Variants in SPTB observed in about 807,000 individuals in gnomAD.
SPTB encodes the protein spectrin beta chain, erythrocytic.
In SPTB, 45 loss-of-function variants were observed where a neutral mutation model predicts 256.2. The ratio of observed to expected loss-of-function variants is 0.18; its 90% CI spans 0.14 to 0.23. The LOEUF (loss-of-function observed/expected upper bound fraction) is 0.23, where lower values mean the gene tolerates loss of function less well. SPTB is among the 10% of genes least tolerant of loss of function. SPTB has a pLI of 1.00. For synonymous variants in SPTB, 1,231 were observed against 1,243.1 expected (o/e 0.99, Z 0.21); for missense variants, 2,715 against 3,040.4 (o/e 0.89, Z 2.52).
chr14:64,859,431 T>C (rs2083923044), intron 1 of SPTB, among the ~76,000 whole-genome samples: 8 of 152,016 alleles, frequency 5.3e-5, no homozygotes, highest in Admixed American at 5.2e-4. Flanking sequence ...TATTAAACTA[T>C]AGAACATTTT....
intron 3 of SPTB, among the ~76,000 whole-genome samples, 170 bp downstream of exon 3, chr14:64,804,769 C>G (rs1033828858): frequency 3.3e-5 from 5 of 152,138 alleles, no homozygotes; most frequent in African/African-American, 9.7e-5. Flanking sequence ...GGGAGGAATT[C>G]AGAGAGACCA....
At chr14:64,817,868 C>T (rs532451166) in intron 2 of SPTB, among the ~76,000 whole-genome samples, 29 of 152,338 alleles carry the variant, frequency 1.9e-4, no homozygotes, top group Admixed American at 2.0e-4. Flanking sequence ...TGTCTGCCAG[C>T]CACAGAACTT....
chr14:64,788,709 A>G (rs997515051), intron 15 of SPTB, among the ~76,000 whole-genome samples: 31 of 152,142 alleles, frequency 2.0e-4, no homozygotes, highest in Admixed American at 1.7e-3. Context: ...CATTGGGTGG[A>G]GGCCACACCA....
chr14:64,857,669 T>C lies in SPTB; in HGVS notation c.-52+22123A>G, dbSNP rs114314748. Among the ~76,000 whole-genome samples, 242 of 152,160 alleles carry C rather than the reference T, an allele frequency of 1.6e-3. 3 individuals carry two copies. Among genetic ancestry groups the C allele is most frequent in the African/African-American group, 5.7e-3 (238 of 41,504 alleles). Reference sequence around the variant, plus strand: ...CTATTCTCTGAAAAATATAAATTATTTCTAGCACAAGGGACTTCAAGAAAA... The same window carrying C: ...CTATTCTCTGAAAAATATAAATTATCTCTAGCACAAGGGACTTCAAGAAAA... On this transcript the variant is annotated intron_variant, in intron 1 of 35. Transcript: ENST00000644917.
chr14:64,773,781 T>C (rs907255863), intron 24 of SPTB, among the ~76,000 whole-genome samples: 3 of 152,132 alleles, frequency 2.0e-5, no homozygotes, highest in African/African-American at 7.2e-5. Flanking sequence ...GCAACAGCTC[T>C]GCTCAGCCCT....
chr14:64,793,726 A>G lies in SPTB; in HGVS notation c.1937T>C (p.Met646Thr), dbSNP rs761372149. Residue 646 changes from methionine (M) to threonine (T), a missense_variant, in exon 14 of 36, where the codon ATG becomes ACG. Physicochemically the swap from Met to Thr is moderately conservative, Grantham distance 81 (BLOSUM62 -1). This residue lies in a region of SPTB where 2,239 missense variants were observed against 2,384.4 expected (regional missense o/e 0.94). Transcript: ENST00000644917. This position sits in a 1 kb window ranked among gnomAD's most constrained non-coding sequence, Gnocchi z 7.0. ...CTTGATCCAGCTCTCAGCCTCATCCATCTCCCAGAAGAACTTCCAGAGTCG... is the reference window on the plus strand; with the variant it reads ...CTTGATCCAGCTCTCAGCCTCATCCGTCTCCCAGAAGAACTTCCAGAGTCG... ...SKRLWKFFWE[M>T]DEAESWIKEK... 5 of 1,614,042 alleles carry G rather than the reference A, an allele frequency of 3.1e-6. No homozygotes were observed. The African/African-American group carries it at 4.0e-5, about 13-fold the overall frequency.
chr14:64,802,351 G>T lies in SPTB; in HGVS notation c.475-34C>A, dbSNP rs759599046. On this transcript the variant is annotated intron_variant, in intron 4 of 35. Coordinates refer to ENST00000644917, the MANE Select transcript of SPTB (RefSeq NM_001355436.2). This position sits in a 1 kb window ranked among gnomAD's most constrained non-coding sequence, Gnocchi z 5.1. Reference sequence around the variant, plus strand: ...AGCAGAACAAGAGAGATTTGAAGAGGATGTGCATCTGGATCTGTGCTTTCC... The same window carrying T: ...AGCAGAACAAGAGAGATTTGAAGAGTATGTGCATCTGGATCTGTGCTTTCC... The T allele has an allele frequency of 6.2e-7, 1 of 1,603,412 alleles. No individual in the cohort carries two copies. Among genetic ancestry groups the T allele is most frequent in the Non-Finnish European group, 8.5e-7 (1 of 1,171,374 alleles).
chr14:64,830,123 C>T (rs1489470770), intron 1 of SPTB, among the ~76,000 whole-genome samples: 1 of 152,048 alleles, frequency 6.6e-6, no homozygotes, highest in Admixed American at 6.6e-5. Context: ...CTCTATAGAA[C>T]TTATCATAAT....
intron 1 of SPTB, among the ~76,000 whole-genome samples, chr14:64,877,745 C>G (rs1426386581): frequency 6.6e-6 from 1 of 152,208 alleles, no homozygotes; most frequent in Non-Finnish European, 1.5e-5. Context: ...TGCAGCAGAC[C>G]TGTCAAATTT....
Position 64,795,484 on chromosome 14 carries a change from G to A in SPTB, c.1497C>T (p.Ile499=), listed in dbSNP as rs747235917. The A allele has an allele frequency of 1.2e-6, 2 of 1,614,190 alleles. No individual in the cohort carries two copies. Among genetic ancestry groups the A allele is most frequent in the Non-Finnish European group, 8.5e-7 (1 of 1,180,024 alleles). Residue 499 remains isoleucine, a synonymous_variant, in exon 12 of 36, where the codon ATC becomes ATT. Transcript: ENST00000644917. This position sits in a 1 kb window ranked among gnomAD's most constrained non-coding sequence, Gnocchi z 6.5. ...GCAGTATATTGTCCTTGCGGGCCGT[G>A]ATGCGCTTCTGGTCATGGTAGTTCT... ...EKENYHDQKR[I]TARKDNILRL... is the part of the protein sequence containing the mutation.
At position 64,764,969 on chromosome 14, in the gene SPTB, G is replaced by A. The variant is rs2082144119; in HGVS notation, c.6345+1757C>T. ...GCCCTCTGCTGGGCATGGTGGGCTG[G>A]TGCAGCTAGGAAAGGGAGGCCTCTG... On this transcript the variant is annotated intron_variant, in intron 32 of 35. Transcript: ENST00000644917. The surrounding 1 kb of genome is among the most constrained non-coding windows in gnomAD (Gnocchi z 4.2). 6.6e-6 allele frequency among the ~76,000 whole-genome samples: 1 copy of A among 151,672 alleles called. No homozygotes were observed. The highest frequency in any genetic ancestry group is 1.5e-5 in the Non-Finnish European group (1 of 67,912).
Position 64,785,509 on chromosome 14 carries a change from A to C in SPTB, c.3855+28T>G. On this transcript the variant is annotated intron_variant, in intron 18 of 35. Transcript: ENST00000644917. This position sits in a 1 kb window ranked among gnomAD's most constrained non-coding sequence, Gnocchi z 4.4. The stretch of plus-strand genomic sequence containing the variant: ...TGCTTCTAGAAAGGAATCTCCAGGA[A>C]AGCAGCCACTCCTTGCTGGAGCCTC... 1 of 1,592,210 alleles carries C rather than the reference A, an allele frequency of 6.3e-7. No individual in the cohort carries two copies. Among genetic ancestry groups the C allele is most frequent in the Non-Finnish European group, 8.6e-7 (1 of 1,167,032 alleles).
In SPTB at chr14:64,772,985, TG is replaced by T. The variant is rs1566746544; in HGVS notation, c.5179-32del. ...CATGGGGCAGACAGAAATGTGGTTA[TG>T]GGGGGCACAGGGGTTACAGGTGTCA... On this transcript the variant is annotated intron_variant, in intron 25 of 35. Coordinates refer to ENST00000644917, the MANE Select transcript of SPTB (RefSeq NM_001355436.2). The surrounding 1 kb of genome is among the most constrained non-coding windows in gnomAD (Gnocchi z 5.4). The T allele has an allele frequency of 4.4e-6, 7 of 1,591,632 alleles. No homozygotes were observed. The highest frequency in any genetic ancestry group is 5.1e-6 in the Non-Finnish European group (6 of 1,171,960).
intron 31 of SPTB, among the ~76,000 whole-genome samples, 154 bp downstream of exon 31, chr14:64,767,149 C>T (rs772176358): frequency 9.8e-5 from 15 of 152,334 alleles, no homozygotes; most frequent in East Asian, 3.9e-4. Context: ...AGGTCCTCTG[C>T]GCTCATGCTC....
In SPTB at chr14:64,786,890, G is replaced by A; in HGVS notation, c.3075C>T (p.His1025=). ...ERESQQLMDS[H]PEQKEDIGQR... Reference sequence around the variant, plus strand: ...GACCAATATCCTCCTTCTGCTCAGGGTGCGAGTCCATCAGCTGCTGGGACT... The same window carrying A: ...GACCAATATCCTCCTTCTGCTCAGGATGCGAGTCCATCAGCTGCTGGGACT... Residue 1025 remains histidine (H), a synonymous_variant, in exon 16 of 36, where the codon CAC becomes CAT. Coordinates refer to ENST00000644917, the MANE Select transcript of SPTB (RefSeq NM_001355436.2). This position sits in a 1 kb window ranked among gnomAD's most constrained non-coding sequence, Gnocchi z 5.6. The A allele has an allele frequency of 1.2e-6, 2 of 1,612,844 alleles. No homozygotes were observed. The highest frequency in any genetic ancestry group is 1.7e-6 in the Non-Finnish European group (2 of 1,180,030).
intron 2 of SPTB, among the ~76,000 whole-genome samples, chr14:64,812,315 C>T (rs916395464): frequency 6.6e-6 from 1 of 152,196 alleles, no homozygotes; most frequent in Non-Finnish European, 1.5e-5. Context: ...CTTTCATGTG[C>T]TTTCCTGCCT....
intron 24 of SPTB, among the ~76,000 whole-genome samples, 154 bp downstream of exon 24, chr14:64,774,243 T>C (rs2082322217): frequency 6.6e-6 from 1 of 152,088 alleles, no homozygotes; most frequent in African/African-American, 2.4e-5. Context: ...TAAAATGAAA[T>C]TGGATCCATC....
chr14:64,799,963 A>C, intron 8 of SPTB, 29 bp from the exon 9 acceptor site: 97 of 1,611,288 alleles, frequency 6.0e-5, no homozygotes, highest in Non-Finnish European at 7.6e-5. Context: ...ACTTATTCTC[A>C]TCAGAAGGGC....
Position 64,790,377 on chromosome 14 carries a change from T to C in SPTB, c.2804+1342A>G, listed in dbSNP as rs1201066818. ...AAGTTTCTCTGGTTTAGACCTGCTC[T>C]AGTTTCCTCAATTATGCAGCAATTG... On this transcript the variant is annotated intron_variant, in intron 15 of 35. Coordinates refer to ENST00000644917, the MANE Select transcript of SPTB (RefSeq NM_001355436.2). This position sits in a 1 kb window ranked among gnomAD's most constrained non-coding sequence, Gnocchi z 4.8. 6.6e-6 allele frequency among the ~76,000 whole-genome samples: 1 copy of C among 152,220 alleles called. No homozygotes were observed. The highest frequency in any genetic ancestry group is 6.5e-5 in the Admixed American group (1 of 15,278).
Sources: gnomAD v4.1 joint callset for allele counts (sites outside exome capture counted in the v4.1 genomes callset) on GRCh38, gnomAD v4.1.1 for gene constraint, gnomAD v4.1.1 regional missense constraint, Gnocchi (gnomAD v3.1) non-coding constraint, MANE v1.5 for transcripts, NCBI Gene and HGNC (gene_info 2026-07-23, HGNC 2026-07-21) for gene names.